The following MEGF11 variants were observed in gnomAD, a reference collection of about 807,000 sequenced individuals.
MEGF11 encodes the protein multiple epidermal growth factor-like domains protein 11.
MEGF11 carries 126 observed loss-of-function variants against 146.6 expected under a neutral mutation model. The observed-to-expected ratio is 0.86, with a 90% CI of 0.74 to 1.00. MEGF11 has a LOEUF of 1.00. Ranked by LOEUF, MEGF11 falls within the 50% of genes least tolerant of loss-of-function variation. The pLI is 0.00. For synonymous variants in MEGF11, 532 were observed against 583.4 expected (o/e 0.91, Z 1.27); for missense variants, 1,509 against 1,521.2 (o/e 0.99, Z 0.13).
chr15:66,038,779 A>T (rs555625193), intron 5 of MEGF11, among the ~76,000 whole-genome samples: 5 of 152,284 alleles, frequency 3.3e-5, no homozygotes, highest in Admixed American at 2.6e-4. Flanking sequence ...CCTAGGGCAG[A>T]TGATGAGAAA....
chr15:66,245,297 G>C (rs923414434), intron 1 of MEGF11, among the ~76,000 whole-genome samples: 4 of 151,960 alleles, frequency 2.6e-5, no homozygotes, highest in Non-Finnish European at 4.4e-5. Flanking sequence ...TCTGGTAGGT[G>C]CTATGGAAAA....
intron 7 of MEGF11, among the ~76,000 whole-genome samples, chr15:65,978,715 G>A (rs975278246): frequency 6.6e-6 from 1 of 152,186 alleles, no homozygotes; most frequent in African/African-American, 2.4e-5. Context: ...GAGATGAGAG[G>A]GTCTTTCCAG....
intron 10 of MEGF11, among the ~76,000 whole-genome samples, chr15:65,955,855 ATT>A (rs1401746176): frequency 8.4e-6 from 1 of 118,774 alleles, no homozygotes; most frequent in African/African-American, 3.1e-5. Flanking sequence ...TAACAAAATG[ATT>A]GAGGTATTTT....
chr15:66,030,229 T>A (rs530124199), intron 5 of MEGF11, among the ~76,000 whole-genome samples: 1 of 152,154 alleles, frequency 6.6e-6, no homozygotes, highest in East Asian at 1.9e-4. Context: ...GGTATTCACA[T>A]GACATATCCA....
intron 1 of MEGF11, among the ~76,000 whole-genome samples, chr15:66,138,239 G>C (rs113461720): frequency 6.2e-4 from 95 of 152,182 alleles, no homozygotes; most frequent in African/African-American, 2.1e-3. Flanking sequence ...CCCTAAACCT[G>C]CTACCCCTAG....
chr15:66,147,588 G>C (rs562031100), intron 1 of MEGF11, among the ~76,000 whole-genome samples: 1 of 152,364 alleles, frequency 6.6e-6, no homozygotes, highest in East Asian at 1.9e-4. Context: ...GTGCTAACCA[G>C]GTAGGGCAAC....
At chr15:66,093,796 G>A (rs757573555) in intron 5 of MEGF11, among the ~76,000 whole-genome samples, 43 of 152,186 alleles carry the variant, frequency 2.8e-4, no homozygotes, top group Non-Finnish European at 4.3e-4. Context: ...CCATGCCACT[G>A]TGGGTCACTG....
At position 66,237,467 on chromosome 15, in the gene MEGF11, C is replaced by CAGAG. The variant is rs149252212; in HGVS notation, c.-9+16134_-9+16137dup. ...TATCTCTAATTCTCAAATACTCCTGCAGAGTAGTGACAATGGCTGCCGTTT... is the reference window on the plus strand; with the variant it reads ...TATCTCTAATTCTCAAATACTCCTGCAGAGAGAGTAGTGACAATGGCTGCCGTTT... On this transcript the variant is annotated intron_variant, in intron 1 of 25. Coordinates refer to ENST00000395614, the MANE Select transcript of MEGF11 (RefSeq NM_001385028.1). 4.0e-3 allele frequency among the ~76,000 whole-genome samples: 613 copies of CAGAG among 152,308 alleles called. 15 individuals are homozygous for CAGAG. In the East Asian group the frequency reaches 0.078, roughly 19 times the overall value.
chr15:65,918,527 T>C (rs554311184), intron 15 of MEGF11, among the ~76,000 whole-genome samples: 35 of 152,328 alleles, frequency 2.3e-4, no homozygotes, highest in Admixed American at 5.9e-4. Context: ...TATGTACAGC[T>C]GGACAGAGAG....
At chr15:66,022,746 C>G (rs929444662) in intron 5 of MEGF11, among the ~76,000 whole-genome samples, 1 of 147,134 alleles carries the variant, frequency 6.8e-6, no homozygotes, top group Middle Eastern at 3.2e-3. Context: ...GGGAGCATCA[C>G]TTGAGCCTGG....
In MEGF11 at chr15:65,934,239, TTTTG is replaced by T. The variant is rs369614003; in HGVS notation, c.1288-3300_1288-3297del. ...AATCCTTAGAATCTCCAAAGTGAGTTTTTGTTTGTTTGTTTGTTTGTTTGTTTTT... is the reference window on the plus strand; with the variant it reads ...AATCCTTAGAATCTCCAAAGTGAGTTTTTGTTTGTTTGTTTGTTTGTTTTT... On this transcript the variant is annotated intron_variant, in intron 10 of 25. Transcript: ENST00000395614. Among the ~76,000 whole-genome samples, 1,430 of 151,830 alleles carry T rather than the reference TTTTG, an allele frequency of 9.4e-3. 10 individuals are homozygous for T. The highest frequency in any genetic ancestry group is 0.011 in the East Asian group (55 of 5,186).
At chr15:66,181,026 G>A (rs560966435) in intron 1 of MEGF11, among the ~76,000 whole-genome samples, 1 of 152,334 alleles carries the variant, frequency 6.6e-6, no homozygotes, top group African/African-American at 2.4e-5. Context: ...TCATTAAAAT[G>A]TAAATGTTTG....
chr15:66,172,457 A>G (rs1448424022), intron 1 of MEGF11, among the ~76,000 whole-genome samples: 6 of 152,192 alleles, frequency 3.9e-5, no homozygotes, highest in South Asian at 4.1e-4. Context: ...GCCAATGAGG[A>G]GCAGCAGCAG....
At chr15:65,994,609 T>A (rs1183397887) in intron 5 of MEGF11, among the ~76,000 whole-genome samples, 1 of 151,916 alleles carries the variant, frequency 6.6e-6, no homozygotes, top group Non-Finnish European at 1.5e-5. Flanking sequence ...CAAGTTAGGG[T>A]GATTTGGACC....
At chr15:65,988,567 T>C (rs182320222) in intron 5 of MEGF11, among the ~76,000 whole-genome samples, 84 of 152,322 alleles carry the variant, frequency 5.5e-4, no homozygotes, top group African/African-American at 2.0e-3. Flanking sequence ...AAGACAACAG[T>C]GAACACTGGG....
At chr15:66,109,292 C>G (rs567143768) in intron 4 of MEGF11, among the ~76,000 whole-genome samples, 1 of 152,140 alleles carries the variant, frequency 6.6e-6, no homozygotes, top group African/African-American at 2.4e-5. Context: ...TACCACCTCA[C>G]GGCATCGCTT....
chr15:66,204,305 G>A (rs770875025), intron 1 of MEGF11, among the ~76,000 whole-genome samples: 8 of 152,118 alleles, frequency 5.3e-5, no homozygotes, highest in Non-Finnish European at 7.4e-5. Flanking sequence ...AGAAGACTGA[G>A]GTGAAAGGAT....
Position 66,235,868 on chromosome 15 carries a change from G to A in MEGF11, c.-9+17737C>T, listed in dbSNP as rs932944287. Among the ~76,000 whole-genome samples the A allele has an allele frequency of 4.6e-5, 7 of 152,266 alleles. No individual in the cohort carries two copies. The South Asian group carries it at 1.0e-3, about 23-fold the overall frequency. ...CCATATCAAGGACAAGGACTATCCC[G>A]GTTCAGTGTGACAACAAATCTTTAA... is the stretch of plus-strand genomic sequence containing the variant. On this transcript the variant is annotated intron_variant, in intron 1 of 25. Transcript: ENST00000395614.
intron 8 of MEGF11, among the ~76,000 whole-genome samples, chr15:65,968,292 A>AG (rs1380997032): frequency 1.3e-5 from 2 of 152,230 alleles, no homozygotes; most frequent in African/African-American, 4.8e-5. Flanking sequence ...TTCAGCCTGC[A>AG]AATGGATTTC....
Sources: gnomAD v4.1 joint callset for allele counts (sites outside exome capture counted in the v4.1 genomes callset) on GRCh38, gnomAD v4.1.1 for gene constraint, MANE v1.5 for transcripts, NCBI Gene and HGNC (gene_info 2026-07-23, HGNC 2026-07-21) for gene names.